CTNNA3: variants seen among roughly 807,000 people sequenced by gnomAD.
The protein encoded by CTNNA3 is catenin alpha 3.
In CTNNA3, 76 loss-of-function variants were observed where a neutral mutation model predicts 95.7. The observed-to-expected ratio is 0.79, with a 90% CI of 0.66 to 0.96. The LOEUF (loss-of-function observed/expected upper bound fraction) is 0.96, where lower values mean the gene tolerates loss of function less well. Ranked by LOEUF, CTNNA3 falls within the 40% of genes least tolerant of loss-of-function variation. The probability of loss-of-function intolerance (pLI) is 0.00; values close to 1 mark genes in which losing one functional copy is unlikely to be tolerated. For synonymous variants in CTNNA3, 431 were observed against 374.4 expected, an observed-to-expected ratio of 1.15 and a Z score of -1.74; for missense variants, 1,191 against 1,089.8, an observed-to-expected ratio of 1.09 and a Z score of -1.31.
At chr10:66,911,627 G>C (rs1846226986) in intron 7 of CTNNA3, among the ~76,000 whole-genome samples, 1 of 152,158 alleles carries the variant, frequency 6.6e-6, no homozygotes, top group Non-Finnish European at 1.5e-5. Flanking sequence ...TCTTGTATCT[G>C]TGTCGTATAT....
intron 13 of CTNNA3, among the ~76,000 whole-genome samples, chr10:66,225,390 A>T (rs1361334743): frequency 7.9e-6 from 1 of 125,980 alleles, no homozygotes; most frequent in African/African-American, 3.1e-5. Flanking sequence ...ATTTTATTCA[A>T]ATATATATAT....
chr10:67,600,087 T>C (rs1843038514), intron 3 of CTNNA3, among the ~76,000 whole-genome samples: 1 of 151,964 alleles, frequency 6.6e-6, no homozygotes, highest in Non-Finnish European at 1.5e-5. Context: ...GAAAGAGTAA[T>C]TCAAAAGAAA....
At chr10:66,956,649 C>T (rs1270257307) in intron 7 of CTNNA3, among the ~76,000 whole-genome samples, 1 of 152,170 alleles carries the variant, frequency 6.6e-6, no homozygotes, top group Non-Finnish European at 1.5e-5. Flanking sequence ...ATTAATTCCT[C>T]TTATTATTTT....
At chr10:65,952,256 A>C (rs1302853066) in intron 17 of CTNNA3, among the ~76,000 whole-genome samples, 3 of 152,168 alleles carry the variant, frequency 2.0e-5, no homozygotes, top group Admixed American at 2.0e-4. Flanking sequence ...CAAAAGAAAA[A>C]AAGGAAGAAC....
chr10:67,734,244 T>C (rs889064153), intron 1 of CTNNA3, among the ~76,000 whole-genome samples: 3 of 152,134 alleles, frequency 2.0e-5, no homozygotes, highest in Admixed American at 1.3e-4. Context: ...CCAAGAACTC[T>C]GTGAAGATAA....
chr10:67,182,821 T>C (rs1420167149), intron 6 of CTNNA3, among the ~76,000 whole-genome samples: 2 of 152,042 alleles, frequency 1.3e-5, no homozygotes, highest in African/African-American at 4.8e-5. Flanking sequence ...GAATCTACAA[T>C]GAACTCCAAC....
intron 7 of CTNNA3, among the ~76,000 whole-genome samples, chr10:66,845,267 T>C (rs571623869): frequency 4.6e-5 from 7 of 152,236 alleles, no homozygotes; most frequent in African/African-American, 1.7e-4. Context: ...AACAGGTACA[T>C]GAAAGGGGCT....
chr10:66,931,126 T>C (rs1431437602), intron 7 of CTNNA3, among the ~76,000 whole-genome samples: 2 of 150,644 alleles, frequency 1.3e-5, no homozygotes, highest in Non-Finnish European at 2.9e-5. Flanking sequence ...AGAAATGTGA[T>C]TGATATTTAT....
intron 13 of CTNNA3, among the ~76,000 whole-genome samples, chr10:66,240,988 G>A (rs1194915568): frequency 6.6e-6 from 1 of 151,966 alleles, no homozygotes; most frequent in Non-Finnish European, 1.5e-5. Flanking sequence ...ATAAAAATAA[G>A]GACAAAAACA....
chr10:67,636,668 C>T (rs1048851068), intron 2 of CTNNA3, among the ~76,000 whole-genome samples: 1 of 151,830 alleles, frequency 6.6e-6, no homozygotes, highest in Non-Finnish European at 1.5e-5. Context: ...CAAAAAGTAA[C>T]CCAGAGGAAA....
intron 11 of CTNNA3, among the ~76,000 whole-genome samples, chr10:66,476,618 AT>A (rs1233548560): frequency 6.6e-6 from 1 of 151,972 alleles, no homozygotes; most frequent in African/African-American, 2.4e-5. Context: ...TTTACTTTTT[AT>A]TTTTAATATG....
chr10:67,606,640 C>G (rs989384338), intron 3 of CTNNA3, among the ~76,000 whole-genome samples: 1 of 151,942 alleles, frequency 6.6e-6, no homozygotes, highest in African/African-American at 2.4e-5. Flanking sequence ...AGAGGAATTG[C>G]CTGGGGGGAC....
chr10:65,946,136 A>G (rs2077513383), intron 17 of CTNNA3, among the ~76,000 whole-genome samples: 2 of 152,172 alleles, frequency 1.3e-5, no homozygotes, highest in African/African-American at 2.4e-5. Flanking sequence ...TTTCATATCT[A>G]TAAGATTGTA....
chr10:66,905,610 A>G (rs1333849664), intron 7 of CTNNA3, among the ~76,000 whole-genome samples: 4 of 152,146 alleles, frequency 2.6e-5, no homozygotes, highest in Non-Finnish European at 5.9e-5. Flanking sequence ...TATAACAAGC[A>G]CCTAATTGCC....
At chr10:66,900,418 A>T (rs1218271819) in intron 7 of CTNNA3, among the ~76,000 whole-genome samples, 2 of 152,194 alleles carry the variant, frequency 1.3e-5, no homozygotes, top group Admixed American at 6.5e-5. Context: ...ATGGGGAGAA[A>T]CCAGAACAGA....
At chr10:66,543,410 A>G (rs2132083290) in intron 10 of CTNNA3, among the ~76,000 whole-genome samples, 1 of 152,240 alleles carries the variant, frequency 6.6e-6, no homozygotes, top group Middle Eastern at 3.4e-3. Flanking sequence ...TTTTTAATAA[A>G]ATGCTATGCA....
intron 5 of CTNNA3, among the ~76,000 whole-genome samples, chr10:67,242,220 T>G (rs1253634666): frequency 6.6e-6 from 1 of 152,144 alleles, no homozygotes; most frequent in Non-Finnish European, 1.5e-5. Flanking sequence ...AGATTAAAAA[T>G]TAAAGTGTGG....
At chr10:66,796,147 G>A (rs1473571524) in intron 7 of CTNNA3, among the ~76,000 whole-genome samples, 1 of 152,074 alleles carries the variant, frequency 6.6e-6, no homozygotes, top group Non-Finnish European at 1.5e-5. Flanking sequence ...GCTAACTGGT[G>A]AAAAAGGCCT....
At chr10:66,238,094 A>G (rs4745894) in intron 13 of CTNNA3, among the ~76,000 whole-genome samples, 122,744 of 151,978 alleles carry the variant, frequency 0.81, 49,908 homozygotes, top group South Asian at 0.94. Context: ...CTATTAATTA[A>G]TTACATTTTA....
Sources: gnomAD v4.1 joint callset for allele counts (sites outside exome capture counted in the v4.1 genomes callset) on GRCh38, gnomAD v4.1.1 for gene constraint, MANE v1.5 for transcripts, NCBI Gene and HGNC (gene_info 2026-07-23, HGNC 2026-07-21) for gene names.